Variants in FNDC3A observed in about 807,000 individuals in gnomAD.
The protein encoded by FNDC3A is fibronectin type-III domain-containing protein 3A.
In FNDC3A, 32 loss-of-function variants were observed where a neutral mutation model predicts 148.9. That is an observed-to-expected ratio of 0.21 (90% CI 0.16 to 0.29). FNDC3A has a LOEUF of 0.29. Among genes scored for constraint, FNDC3A ranks in the 10% least tolerant of loss-of-function variants. The pLI, the probability that FNDC3A is intolerant of heterozygous loss-of-function variation, is 1.00. For synonymous variants in FNDC3A, 472 were observed against 473.6 expected (o/e 1.00, Z 0.04); for missense variants, 1,191 against 1,452.8 (o/e 0.82, Z 2.93).
intron 1 of FNDC3A, among the ~76,000 whole-genome samples, chr13:48,996,466 T>G (rs1207926543): frequency 6.6e-6 from 1 of 152,246 alleles, no homozygotes. Context: ...TTCTTTTTCA[T>G]TATTCCCTAA....
chr13:49,020,687 T>C (rs1319427495), intron 2 of FNDC3A, among the ~76,000 whole-genome samples: 1 of 152,258 alleles, frequency 6.6e-6, no homozygotes, highest in Non-Finnish European at 1.5e-5. Context: ...TAATAGCAGC[T>C]ACTGTTTGAG....
rs928278021 is a variant in FNDC3A, at chr13:49,156,578, G to T, written c.977+10643G>T. On this transcript the variant is annotated intron_variant, in intron 8 of 25. Coordinates refer to ENST00000492622, the MANE Select transcript of FNDC3A (RefSeq NM_001079673.2). ...TCCTGTCATTATGATGTTAGCTGGTGATTTTGCTCGTTAGTTGATGCAGTT... is the reference window on the plus strand; with the variant it reads ...TCCTGTCATTATGATGTTAGCTGGTTATTTTGCTCGTTAGTTGATGCAGTT... Among the ~76,000 whole-genome samples, 21 of 148,662 alleles carry T rather than the reference G, an allele frequency of 1.4e-4. 1 individual carries two copies. Among genetic ancestry groups the T allele is most frequent in the East Asian group, 4.0e-4 (2 of 4,964 alleles).
At chr13:49,143,995 ACTACTACTACTACTACTG>A (rs924334843) in intron 7 of FNDC3A, among the ~76,000 whole-genome samples, 3 of 149,544 alleles carry the variant, frequency 2.0e-5, no homozygotes, top group South Asian at 4.2e-4. Flanking sequence ...TACTACTACT[ACTACTACTACTACTACTG>A]CTACTACTAC....
chr13:48,993,757 T>C (rs181448707), intron 1 of FNDC3A, among the ~76,000 whole-genome samples: 67 of 152,310 alleles, frequency 4.4e-4, no homozygotes, highest in Admixed American at 1.1e-3. Flanking sequence ...GGCAAGTATA[T>C]GGGTGTTTGC....
chr13:49,072,962 C>T (rs1179754723), intron 2 of FNDC3A, among the ~76,000 whole-genome samples: 1 of 152,182 alleles, frequency 6.6e-6, no homozygotes, highest in African/African-American at 2.4e-5. Context: ...ATTTCTGTCT[C>T]TTGCCTAATT....
chr13:49,016,004 C>T (rs1249010135), intron 2 of FNDC3A, among the ~76,000 whole-genome samples: 1 of 151,828 alleles, frequency 6.6e-6, no homozygotes, highest in Non-Finnish European at 1.5e-5. Flanking sequence ...ATTCGGTTTG[C>T]CAGTATTTTA....
At chr13:49,010,968 G>A (rs1049894456) in intron 2 of FNDC3A, among the ~76,000 whole-genome samples, 1 of 152,106 alleles carries the variant, frequency 6.6e-6, no homozygotes, top group Non-Finnish European at 1.5e-5. Flanking sequence ...TACTGTTGTT[G>A]AAATTTGTTC....
At chr13:49,177,333 C>T (rs1230443236) in intron 13 of FNDC3A, among the ~76,000 whole-genome samples, 1 of 152,128 alleles carries the variant, frequency 6.6e-6, no homozygotes, top group Non-Finnish European at 1.5e-5. Flanking sequence ...CCCAAGGTGT[C>T]ACAGAAGATT....
intron 9 of FNDC3A, among the ~76,000 whole-genome samples, chr13:49,167,941 A>G (rs530485335): frequency 6.6e-6 from 1 of 152,290 alleles, no homozygotes; most frequent in South Asian, 2.1e-4. Context: ...GTTTACACAT[A>G]TCTTTTACTA....
intron 1 of FNDC3A, among the ~76,000 whole-genome samples, chr13:48,980,509 T>C (rs1234809122): frequency 6.6e-6 from 1 of 152,194 alleles, no homozygotes; most frequent in Non-Finnish European, 1.5e-5. Context: ...GAAAAGATTA[T>C]ATCATGTGCA....
At chr13:49,150,963 AAT>A (rs1883256333) in intron 8 of FNDC3A, among the ~76,000 whole-genome samples, 1 of 151,572 alleles carries the variant, frequency 6.6e-6, no homozygotes, top group Admixed American at 6.6e-5. Context: ...AAAAAAAAAA[AAT>A]TGTTGAGACC....
At position 49,126,892 on chromosome 13, in the gene FNDC3A, T is replaced by C. The variant is rs537537984; in HGVS notation, c.253-4245T>C. ...TTCAGTGTTACAAATATCCAGCAAGTGATACAGAATAAATGCAGTAGAAAT... is the reference window on the plus strand; with the variant it reads ...TTCAGTGTTACAAATATCCAGCAAGCGATACAGAATAAATGCAGTAGAAAT... On this transcript the variant is annotated intron_variant, in intron 4 of 25. Transcript: ENST00000492622. 1.1e-4 allele frequency among the ~76,000 whole-genome samples: 17 copies of C among 152,288 alleles called. No individual in the cohort carries two copies. The South Asian group carries it at 3.5e-3, about 32-fold the overall frequency.
intron 8 of FNDC3A, among the ~76,000 whole-genome samples, chr13:49,157,908 C>A (rs778763930): frequency 2.8e-5 from 4 of 141,950 alleles, no homozygotes; most frequent in East Asian, 2.1e-4. Flanking sequence ...GCTGGGAGAA[C>A]CACTGCTCTC....
chr13:49,187,046 T>A, intron 15 of FNDC3A, 76 bp from the exon 16 acceptor site: 1 of 1,074,914 alleles, frequency 9.3e-7, no homozygotes. Flanking sequence ...AGTTTGGTAT[T>A]CTGTTTATTA....
intron 10 of FNDC3A, among the ~76,000 whole-genome samples, chr13:49,170,650 A>T (rs912586023): frequency 6.6e-6 from 1 of 152,128 alleles, no homozygotes; most frequent in East Asian, 1.9e-4. Flanking sequence ...TCTACTTTTA[A>T]TGACTTTGTG....
intron 3 of FNDC3A, chr13:49,095,409 G>A (rs963167962): frequency 6.6e-6 from 1 of 151,848 alleles, no homozygotes; most frequent in Non-Finnish European, 1.5e-5. Context: ...CAAATGCAGT[G>A]GTGTTTACAA....
chr13:49,006,244 T>C lies in FNDC3A; in HGVS notation c.54T>C (p.Ile18=). ...LDTTQILSSD[I]SLLSAPIVSA... ...CAACTCAGATCTTAAGTAGTGATATTTCTCTTTTGTCTGCCCCTATTGTAA... is the reference window on the plus strand; with the variant it reads ...CAACTCAGATCTTAAGTAGTGATATCTCTCTTTTGTCTGCCCCTATTGTAA... The change falls in exon 2 of 26, where the codon ATT becomes ATC. Residue 18 remains isoleucine, a synonymous_variant. Coordinates refer to ENST00000492622, the MANE Select transcript of FNDC3A (RefSeq NM_001079673.2). The C allele has an allele frequency of 6.2e-7, 1 of 1,610,298 alleles. No homozygotes were observed. Among genetic ancestry groups the C allele is most frequent in the Non-Finnish European group, 8.5e-7 (1 of 1,177,172 alleles).
At chr13:49,141,073 G>A (rs1473485226) in intron 7 of FNDC3A, among the ~76,000 whole-genome samples, 2 of 152,174 alleles carry the variant, frequency 1.3e-5, no homozygotes, top group East Asian at 3.8e-4. Flanking sequence ...AGAGTGCAGT[G>A]TATAGGGGAG....
chr13:49,062,035 T>C (rs1876934421), intron 2 of FNDC3A, among the ~76,000 whole-genome samples: 1 of 151,818 alleles, frequency 6.6e-6, no homozygotes, highest in African/African-American at 2.4e-5. Flanking sequence ...CGGAAACCAT[T>C]GTGTAAAGGA....
Sources: gnomAD v4.1 joint callset for allele counts (sites outside exome capture counted in the v4.1 genomes callset) on GRCh38, gnomAD v4.1.1 for gene constraint, MANE v1.5 for transcripts, NCBI Gene and HGNC (gene_info 2026-07-23, HGNC 2026-07-21) for gene names.